ERBB4: variants seen among roughly 807,000 people sequenced by gnomAD.
The protein encoded by ERBB4 is erb-b2 receptor tyrosine kinase 4.
Under a neutral mutation model 158.0 loss-of-function variants are expected in ERBB4, and 42 were observed. The observed-to-expected ratio is 0.27, with a 90% CI of 0.21 to 0.34. The LOEUF is 0.34. Among genes scored for constraint, ERBB4 ranks in the 10% least tolerant of loss-of-function variants. The pLI, the probability that ERBB4 is intolerant of heterozygous loss-of-function variation, is 1.00. For missense variants in ERBB4, 1,333 were observed against 1,624.1 expected (o/e 0.82, Z 3.08); for synonymous variants, 583 against 558.7 (o/e 1.04, Z -0.61).
At chr2:211,838,876 T>C (rs1020126) in intron 3 of ERBB4, among the ~76,000 whole-genome samples, 1 of 151,894 alleles carries the variant, frequency 6.6e-6, no homozygotes, top group Non-Finnish European at 1.5e-5. Context: ...ACTGAAGCTA[T>C]TGAACTCTGA....
intron 12 of ERBB4, among the ~76,000 whole-genome samples, chr2:211,696,419 C>T (rs2073025051): frequency 6.6e-6 from 1 of 151,910 alleles, no homozygotes; most frequent in Admixed American, 6.6e-5. Flanking sequence ...CTATGTATAG[C>T]ACTTTCTTTG....
chr2:211,802,188 G>A (rs1392798410), intron 3 of ERBB4, among the ~76,000 whole-genome samples: 7 of 152,034 alleles, frequency 4.6e-5, no homozygotes, highest in Non-Finnish European at 7.4e-5. Context: ...AAACTCGGGA[G>A]GCGGAGCTTG....
At chr2:211,411,386 G>T (rs1171207387) in intron 25 of ERBB4, among the ~76,000 whole-genome samples, 2 of 152,172 alleles carry the variant, frequency 1.3e-5, no homozygotes, top group Non-Finnish European at 2.9e-5. Flanking sequence ...AATCAGAGGG[G>T]TCAGAACCAT....
chr2:211,388,652 T>C (rs542612318), intron 25 of ERBB4, among the ~76,000 whole-genome samples: 2 of 151,964 alleles, frequency 1.3e-5, no homozygotes, highest in Non-Finnish European at 2.9e-5. Flanking sequence ...AGATTCCCCT[T>C]ATGGTATTTA....
intron 2 of ERBB4, among the ~76,000 whole-genome samples, chr2:212,097,430 G>C (rs973401178): frequency 1.3e-5 from 2 of 152,166 alleles, no homozygotes; most frequent in Non-Finnish European, 2.9e-5. Context: ...TAAGGGCCTG[G>C]ATCCCTAGCT....
chr2:211,842,917 A>AT (rs1164724233), intron 3 of ERBB4, among the ~76,000 whole-genome samples: 1 of 152,244 alleles, frequency 6.6e-6, no homozygotes, highest in East Asian at 1.9e-4. Flanking sequence ...TCTTACAAAC[A>AT]AATCTGATAG....
intron 25 of ERBB4, among the ~76,000 whole-genome samples, chr2:211,418,088 T>A (rs1246198779): frequency 1.3e-5 from 2 of 150,826 alleles, no homozygotes; most frequent in African/African-American, 4.9e-5. Context: ...TGCATTATTT[T>A]TTTTTTTTTT....
At chr2:211,800,111 C>A (rs1349638190) in intron 3 of ERBB4, among the ~76,000 whole-genome samples, 4 of 152,088 alleles carry the variant, frequency 2.6e-5, no homozygotes, top group African/African-American at 9.7e-5. Context: ...AAGTGAGACA[C>A]ACAATGATGA....
At chr2:211,472,687 C>T (rs1481604528) in intron 20 of ERBB4, among the ~76,000 whole-genome samples, 4 of 151,930 alleles carry the variant, frequency 2.6e-5, no homozygotes, top group Admixed American at 6.6e-5. Flanking sequence ...ATTCTTCAAT[C>T]AGTCACATGG....
At chr2:211,725,647 G>A (rs574853643) in intron 5 of ERBB4, among the ~76,000 whole-genome samples, 1 of 152,194 alleles carries the variant, frequency 6.6e-6, no homozygotes, top group South Asian at 2.1e-4. Flanking sequence ...GGAAAATTGA[G>A]ATAACTAAAT....
chr2:211,530,680 G>A (rs1339080470), intron 20 of ERBB4, among the ~76,000 whole-genome samples: 1 of 152,084 alleles, frequency 6.6e-6, no homozygotes, highest in Non-Finnish European at 1.5e-5. Flanking sequence ...TTGAGTCCAG[G>A]AGTTTGAGAC....
At chr2:211,444,355 A>G (rs2064059697) in intron 20 of ERBB4, among the ~76,000 whole-genome samples, 1 of 152,172 alleles carries the variant, frequency 6.6e-6, no homozygotes, top group South Asian at 2.1e-4. Context: ...ACATGGAGAA[A>G]AGCTGTAAAT....
At chr2:211,959,233 G>C (rs2081111532) in intron 2 of ERBB4, among the ~76,000 whole-genome samples, 1 of 152,002 alleles carries the variant, frequency 6.6e-6, no homozygotes, top group African/African-American at 2.4e-5. Context: ...AGACACAGTG[G>C]TGAGCAAAAT....
At chr2:211,517,375 A>C (rs1309896604) in intron 20 of ERBB4, among the ~76,000 whole-genome samples, 1 of 152,062 alleles carries the variant, frequency 6.6e-6, no homozygotes, top group East Asian at 1.9e-4. Flanking sequence ...TCACTTTTGC[A>C]CTTCTATGAA....
chr2:211,470,030 C>G (rs920024916), intron 20 of ERBB4, among the ~76,000 whole-genome samples: 6 of 151,848 alleles, frequency 4.0e-5, no homozygotes, highest in Non-Finnish European at 8.8e-5. Flanking sequence ...CAAGTAGGTT[C>G]TTTCCTTTTA....
At chr2:212,329,045 T>C (rs1250101017) in intron 1 of ERBB4, among the ~76,000 whole-genome samples, 1 of 152,030 alleles carries the variant, frequency 6.6e-6, no homozygotes, top group African/African-American at 2.4e-5. Flanking sequence ...TTTTGGAGCA[T>C]GTGAGAGAAA....
chr2:211,980,052 T>G (rs1395337457), intron 2 of ERBB4, among the ~76,000 whole-genome samples: 1 of 152,194 alleles, frequency 6.6e-6, no homozygotes. Context: ...AACCTTATTT[T>G]GAAGACACTA....
At chr2:212,020,920 C>T (rs1221093616) in intron 2 of ERBB4, among the ~76,000 whole-genome samples, 1 of 151,836 alleles carries the variant, frequency 6.6e-6, no homozygotes, top group African/African-American at 2.4e-5. Context: ...TTACTGCTAC[C>T]AGATTTTCTT....
At chr2:212,122,029 T>G (rs2079765589) in intron 2 of ERBB4, among the ~76,000 whole-genome samples, 1 of 142,212 alleles carries the variant, frequency 7.0e-6, no homozygotes, top group African/African-American at 2.6e-5. Flanking sequence ...GTCTTAGTAA[T>G]GATAATATTT....
Sources: gnomAD v4.1 joint callset for allele counts (sites outside exome capture counted in the v4.1 genomes callset) on GRCh38, gnomAD v4.1.1 for gene constraint, MANE v1.5 for transcripts, NCBI Gene and HGNC (gene_info 2026-07-23, HGNC 2026-07-21) for gene names.